Variants in MAF observed in about 807,000 individuals in gnomAD.
MAF encodes transcription factor Maf.
A neutral mutation model predicts 22.0 loss-of-function variants in MAF; 10 were observed. The observed-to-expected ratio is 0.45, with a 90% CI of 0.28 to 0.77. MAF has a LOEUF of 0.77. Ranked by LOEUF, MAF falls within the 30% of genes least tolerant of loss-of-function variation. The pLI, the probability that MAF is intolerant of heterozygous loss-of-function variation, is 0.12. For missense variants in MAF, 544 were observed against 548.4 expected (o/e 0.99, Z 0.08); for synonymous variants, 337 against 255.8 (o/e 1.32, Z -3.03).
the MAF span, among the ~76,000 whole-genome samples, chr16:79,283,981 A>AC: frequency 1.3e-5 from 1 of 77,494 alleles, no homozygotes. Flanking sequence ...AAAAAAAAAA[A>AC]AAAAGACAAA....
At chr16:79,276,640 C>A in the MAF span, among the ~76,000 whole-genome samples, 1 of 152,284 alleles carries the variant, frequency 6.6e-6, no homozygotes, top group African/African-American at 2.4e-5. Context: ...GGTCACTGCA[C>A]TGGGATCGGA....
the MAF span, among the ~76,000 whole-genome samples, chr16:79,349,095 T>G: frequency 6.6e-6 from 1 of 152,230 alleles, no homozygotes; most frequent in Non-Finnish European, 1.5e-5. Flanking sequence ...CAACAGGTGT[T>G]TGCTAATTCT....
At chr16:79,319,474 A>T in the MAF span, among the ~76,000 whole-genome samples, 39 of 152,326 alleles carry the variant, frequency 2.6e-4, no homozygotes, top group Non-Finnish European at 4.4e-4. Context: ...ACTGACCTTC[A>T]GTCCCCTTCC....
chr16:79,366,761 C>A, the MAF span, among the ~76,000 whole-genome samples: 2 of 152,184 alleles, frequency 1.3e-5, no homozygotes, highest in Admixed American at 1.3e-4. Context: ...TGCTAGAGAC[C>A]TCTGCTGATC....
At chr16:79,580,070 T>C in the MAF span, among the ~76,000 whole-genome samples, 7 of 152,114 alleles carry the variant, frequency 4.6e-5, no homozygotes, top group African/African-American at 1.7e-4. Flanking sequence ...CCCCCTCTCT[T>C]GAACAGAGTG....
the MAF span, among the ~76,000 whole-genome samples, chr16:79,544,944 G>C: frequency 2.6e-5 from 4 of 152,114 alleles, no homozygotes; most frequent in African/African-American, 9.7e-5. Context: ...TTTCATGTTT[G>C]GCCATTGCTA....
At chr16:79,596,886 A>ATT in intron 1 of MAF, 3 of 1,043,600 alleles carry the variant, frequency 2.9e-6, no homozygotes, top group Non-Finnish European at 1.2e-6. Context: ...CAGTTTTGCA[A>ATT]TTTTTTTTTG....
At chr16:79,479,253 T>G in the MAF span, among the ~76,000 whole-genome samples, 5 of 152,224 alleles carry the variant, frequency 3.3e-5, no homozygotes, top group Admixed American at 3.3e-4. Context: ...GTGTCATACC[T>G]TTGTACCATC....
chr16:79,408,308 C>T, the MAF span, among the ~76,000 whole-genome samples: 3 of 151,954 alleles, frequency 2.0e-5, no homozygotes, highest in African/African-American at 7.3e-5. Flanking sequence ...TCTGGAGTAG[C>T]TGGGATTACA....
chr16:79,436,818 C>T, the MAF span, among the ~76,000 whole-genome samples: 1 of 152,200 alleles, frequency 6.6e-6, no homozygotes, highest in Non-Finnish European at 1.5e-5. Context: ...TCCAGCACTC[C>T]ACCATGCCAT....
At chr16:79,554,318 G>C in the MAF span, among the ~76,000 whole-genome samples, 3 of 152,100 alleles carry the variant, frequency 2.0e-5, no homozygotes, top group African/African-American at 7.2e-5. Context: ...CAAGTTGAGG[G>C]TTCCATATCC....
At chr16:79,344,005 A>C in the MAF span, among the ~76,000 whole-genome samples, 2 of 152,346 alleles carry the variant, frequency 1.3e-5, no homozygotes, top group Non-Finnish European at 2.9e-5. Context: ...TGGTCCAGTG[A>C]GTGTCATTTG....
chr16:79,556,610 G>A, the MAF span, among the ~76,000 whole-genome samples: 1 of 152,320 alleles, frequency 6.6e-6, no homozygotes, highest in African/African-American at 2.4e-5. Context: ...ATGGGGACAA[G>A]GGTTGAGCAA....
intron 1 of MAF, chr16:79,597,796 C>T (rs1913640572): frequency 1.0e-6 from 1 of 988,538 alleles, no homozygotes; most frequent in East Asian, 6.8e-5. Flanking sequence ...GTCCAGCATG[C>T]AGGCTTTTTT....
chr16:79,412,759 G>A, the MAF span, among the ~76,000 whole-genome samples: 79 of 152,308 alleles, frequency 5.2e-4, no homozygotes, highest in Non-Finnish European at 1.0e-3. Flanking sequence ...CTACTCCAGA[G>A]CTTAAAGCTG....
chr16:79,565,887 G>C, the MAF span, among the ~76,000 whole-genome samples: 1 of 152,254 alleles, frequency 6.6e-6, no homozygotes, highest in South Asian at 2.1e-4. Context: ...GATAGATGAG[G>C]AAACTGAAGT....
Position 79,599,538 on chromosome 16 carries a change from T to G in MAF, c.365A>C (p.His122Pro), listed in dbSNP as rs1415724885. 1 of 1,563,012 alleles carries G rather than the reference T, an allele frequency of 6.4e-7. No homozygotes were observed. Among genetic ancestry groups the G allele is most frequent in the East Asian group, 2.4e-5 (1 of 42,388 alleles). ...GCCATCGAAGCCGCCCTGGAGCTGG[T>G]GGCTGTTGCTGATGAGCGCCTCGAC... ...DAVEALISNS[H>P]QLQGGFDGYA... Residue 122 changes from histidine to proline, a missense_variant, in exon 1 of 2, where the codon CAC becomes CCC. By Grantham distance (77) the His-to-Pro change is moderately conservative. Transcript: ENST00000326043.
the MAF span, among the ~76,000 whole-genome samples, chr16:79,558,071 C>G: frequency 1.3e-5 from 2 of 150,776 alleles, no homozygotes; most frequent in African/African-American, 5.0e-5. Flanking sequence ...GTCCTGGAAA[C>G]TGATCACTGA....
At chr16:79,409,314 C>T in the MAF span, among the ~76,000 whole-genome samples, 1 of 152,198 alleles carries the variant, frequency 6.6e-6, no homozygotes, top group South Asian at 2.1e-4. Context: ...GGAAGTCGCG[C>T]TGTTTTCTTG....
Sources: gnomAD v4.1 joint callset for allele counts (sites outside exome capture counted in the v4.1 genomes callset) on GRCh38, gnomAD v4.1.1 for gene constraint, MANE v1.5 for transcripts, NCBI Gene and HGNC (gene_info 2026-07-23, HGNC 2026-07-21) for gene names.